Variants in DHRSX observed in about 807,000 individuals in gnomAD.
DHRSX encodes the protein polyprenol dehydrogenase.
DHRSX carries 31 observed loss-of-function variants against 34.0 expected under a neutral mutation model. That is an observed-to-expected ratio of 0.91 (90% confidence interval 0.69 to 1.23). DHRSX has a LOEUF of 1.23. Ranked by LOEUF, DHRSX falls within the 50% of genes most tolerant of loss-of-function variation. The pLI is 0.00. For missense variants in DHRSX, 414 were observed against 428.1 expected, an observed-to-expected ratio of 0.97 and a Z score of 0.29; for synonymous variants, 201 against 183.8, an observed-to-expected ratio of 1.09 and a Z score of -0.76.
Position 2,291,553 on chromosome X carries a change from C to T in DHRSX, c.337G>A (p.Val113Met). ...ATCTTCTTCATCTTGAACTTCTGCA[C>T]AAACTGCCGGATGGAAGTCATGGAA... is the stretch of plus-strand genomic sequence containing the variant. ...LASMTSIRQF[V>M]QKFKMKKIPL... Residue 113 changes from valine (V) to methionine (M), a missense_variant, in exon 4 of 7, where the codon GTG (valine) becomes ATG (methionine). By Grantham distance (21) the Val-to-Met change is conservative. Coordinates refer to ENST00000334651, the MANE Select transcript of DHRSX (RefSeq NM_145177.3). The T allele has an allele frequency of 6.2e-7, 1 of 1,613,906 alleles. No individual in the cohort carries two copies. Among genetic ancestry groups the T allele is most frequent in the Non-Finnish European group, 8.5e-7 (1 of 1,179,852 alleles).
intron 1 of DHRSX, among the ~76,000 whole-genome samples, chrX:2,459,950 A>G (rs1027984378): frequency 6.6e-6 from 1 of 152,084 alleles, no homozygotes; most frequent in African/African-American, 2.4e-5. Flanking sequence ...TCTACTAAAA[A>G]TACAAAAATT....
chrX:2,489,311 T>C, intron 1 of DHRSX: 2 of 1,613,852 alleles, frequency 1.2e-6, no homozygotes, highest in South Asian at 1.1e-5. Flanking sequence ...GGTGGCCACG[T>C]TGAGAAACAT....
intron 1 of DHRSX, among the ~76,000 whole-genome samples, chrX:2,477,638 G>C (rs1270194970): frequency 1.3e-5 from 2 of 152,136 alleles, no homozygotes; most frequent in African/African-American, 4.8e-5. Flanking sequence ...CTGAGGTCAG[G>C]AGTTCGAGAC....
chrX:2,411,527 C>G (rs1330703516), intron 2 of DHRSX, among the ~76,000 whole-genome samples: 1 of 147,324 alleles, frequency 6.8e-6, no homozygotes, highest in African/African-American at 2.6e-5. Context: ...TGCACTCCAG[C>G]CTGGGCGACA....
Position 2,384,933 on chromosome X carries a change from A to ATT in DHRSX, c.286+23811_286+23812insAA, listed in dbSNP as rs1235892378. On this transcript the variant is annotated intron_variant, in intron 3 of 6. Coordinates refer to ENST00000334651, the MANE Select transcript of DHRSX (RefSeq NM_145177.3). ...AATAATAAAAAATAAATAAATTTAA[A>ATT]AAAAAAAAGAAAAAAAAATATATAT... 3.5e-3 allele frequency among the ~76,000 whole-genome samples: 514 copies of ATT among 148,014 alleles called. 4 individuals are homozygous for ATT. The highest frequency in any genetic ancestry group is 9.7e-3 in the African/African-American group (396 of 40,800).
At chrX:2,364,248 G>A (rs1256550164) in intron 3 of DHRSX, among the ~76,000 whole-genome samples, 1 of 152,098 alleles carries the variant, frequency 6.6e-6, no homozygotes, top group Admixed American at 6.6e-5. Flanking sequence ...CCTCCCCCAG[G>A]AACATATAGA....
intron 5 of DHRSX, among the ~76,000 whole-genome samples, chrX:2,245,965 AAAAAC>A (rs1249070168): frequency 8.8e-5 from 13 of 147,772 alleles, no homozygotes; most frequent in African/African-American, 3.3e-4. Context: ...CCATCTCAAA[AAAAAC>A]AAAAAAACAA....
chrX:2,437,175 A>G (rs1012332852), intron 1 of DHRSX, among the ~76,000 whole-genome samples: 6 of 151,778 alleles, frequency 4.0e-5, no homozygotes, highest in African/African-American at 1.5e-4. Context: ...TTTTTTTTGC[A>G]TCTTTAGTAG....
At chrX:2,274,112 ACTGCAACCTCTGCCTC>A (rs1340885678) in intron 4 of DHRSX, among the ~76,000 whole-genome samples, 31 of 151,570 alleles carry the variant, frequency 2.0e-4, no homozygotes, top group Admixed American at 1.9e-3. Context: ...ATGTCGGCTC[ACTGCAACCTCTGCCTC>A]CTGGGTTCAA....
At chrX:2,268,074 C>A (rs1468546718) in intron 4 of DHRSX, among the ~76,000 whole-genome samples, 1 of 152,198 alleles carries the variant, frequency 6.6e-6, no homozygotes, top group Non-Finnish European at 1.5e-5. Context: ...CACCCCTAGA[C>A]CACAGGGCAG....
chrX:2,247,823 CCTT>C (rs1602793427), intron 5 of DHRSX, among the ~76,000 whole-genome samples: 1 of 152,070 alleles, frequency 6.6e-6, no homozygotes. Flanking sequence ...TTCTTGCTGA[CCTT>C]CTCCTACCCT....
At chrX:2,490,071 A>G in intron 1 of DHRSX, 7 of 1,613,708 alleles carry the variant, frequency 4.3e-6, no homozygotes, top group Non-Finnish European at 5.9e-6. Flanking sequence ...AGGCCCAGGA[A>G]GTGGGCGGCC....
At chrX:2,270,754 C>T (rs188049882) in intron 4 of DHRSX, among the ~76,000 whole-genome samples, 1 of 152,312 alleles carries the variant, frequency 6.6e-6, no homozygotes, top group East Asian at 1.9e-4. Flanking sequence ...CCTGGACTTC[C>T]TGGGTCGAGT....
chrX:2,283,206 T>G (rs925219899), intron 4 of DHRSX, among the ~76,000 whole-genome samples: 5 of 151,916 alleles, frequency 3.3e-5, no homozygotes, highest in African/African-American at 1.2e-4. Flanking sequence ...ACATCTAGCC[T>G]TCTCTGGCAG....
rs2041482030 is a variant in DHRSX at position 2,266,859 on chromosome X, G to A, written c.477C>T (p.Thr159=). ...CTTTCAGCGTATCCAAGAGAAGGTTGGTCAGCAGGAAGTGCCCTAGGTAGT... is the reference window on the plus strand; with the variant it reads ...CTTTCAGCGTATCCAAGAGAAGGTTAGTCAGCAGGAAGTGCCCTAGGTAGT... ...GLNYLGHFLL[T]NLLLDTLKES... The change falls in exon 5 of 7, where the codon ACC becomes ACT. Residue 159 remains threonine (T), a synonymous_variant. Coordinates refer to ENST00000334651, the MANE Select transcript of DHRSX (RefSeq NM_145177.3). 1.9e-6 allele frequency: 3 copies of A among 1,613,822 alleles called. No homozygotes were observed. In the African/African-American group the frequency reaches 4.0e-5, roughly 22 times the overall value.
intron 1 of DHRSX, among the ~76,000 whole-genome samples, chrX:2,432,119 G>A (rs375573007): frequency 2.4e-4 from 36 of 152,128 alleles, no homozygotes; most frequent in African/African-American, 7.7e-4. Context: ...GCTTGAACCC[G>A]GGAGGTGGAG....
At chrX:2,263,650 A>T (rs2041395881) in intron 5 of DHRSX, among the ~76,000 whole-genome samples, 1 of 150,970 alleles carries the variant, frequency 6.6e-6, no homozygotes, top group Non-Finnish European at 1.5e-5. Flanking sequence ...AGTAGCTGGG[A>T]TTACAGGCGT....
At chrX:2,492,398 G>A (rs1221730813) in intron 1 of DHRSX, among the ~76,000 whole-genome samples, 1 of 152,020 alleles carries the variant, frequency 6.6e-6, no homozygotes, top group Non-Finnish European at 1.5e-5. Flanking sequence ...CAGGAGCTGG[G>A]AGAGGCAGGA....
At chrX:2,412,223 T>A (rs1390330195) in intron 2 of DHRSX, among the ~76,000 whole-genome samples, 2 of 152,168 alleles carry the variant, frequency 1.3e-5, no homozygotes, top group Non-Finnish European at 2.9e-5. Flanking sequence ...GCGTTACATG[T>A]TATATGTGCA....
Sources: allele counts gnomAD v4.1 joint callset (sites outside exome capture counted in the v4.1 genomes callset), GRCh38; gene constraint gnomAD v4.1.1; transcripts MANE v1.5; gene names NCBI Gene and HGNC (gene_info 2026-07-23, HGNC 2026-07-21).